The following MECOM variants were observed in gnomAD, a reference collection of about 807,000 sequenced individuals.
MECOM encodes the protein MDS1 and EVI1 complex locus.
A neutral mutation model predicts 116.3 loss-of-function variants in MECOM; 13 were observed. That is an observed-to-expected ratio of 0.11 (90% confidence interval 0.07 to 0.18). The LOEUF (loss-of-function observed/expected upper bound fraction) is 0.18. MECOM is among the 10% of genes least tolerant of loss of function. The pLI is 1.00. For synonymous variants in MECOM, 528 were observed against 535.2 expected (o/e 0.99, Z 0.19); for missense variants, 1,299 against 1,509.0 (o/e 0.86, Z 2.31).
At chr3:169,533,399 G>A (rs1469055300) in intron 1 of MECOM, among the ~76,000 whole-genome samples, 1 of 151,988 alleles carries the variant, frequency 6.6e-6, no homozygotes, top group East Asian at 1.9e-4. Context: ...TGGTCTTTTT[G>A]ATTTTCCTTC....
At chr3:169,288,448 TA>T (rs2149691051) in intron 2 of MECOM, among the ~76,000 whole-genome samples, 1 of 152,330 alleles carries the variant, frequency 6.6e-6, no homozygotes, top group South Asian at 2.1e-4. Context: ...ACTGGAAGGT[TA>T]AAAATGGGCT....
chr3:169,152,024 G>GT (rs11443912), intron 2 of MECOM, among the ~76,000 whole-genome samples: 10,695 of 152,120 alleles, frequency 0.07, 486 homozygotes, highest in South Asian at 0.19. Flanking sequence ...AATAATTTCT[G>GT]TTTTTTAATT....
chr3:169,351,989 G>A (rs893413168), intron 2 of MECOM, among the ~76,000 whole-genome samples: 6 of 151,794 alleles, frequency 4.0e-5, no homozygotes, highest in Admixed American at 1.3e-4. Flanking sequence ...TTTGATTCAC[G>A]GAAAACTGCA....
chr3:169,125,533 A>G (rs1732540289), intron 5 of MECOM, among the ~76,000 whole-genome samples: 1 of 152,154 alleles, frequency 6.6e-6, no homozygotes, highest in Admixed American at 6.5e-5. Flanking sequence ...GTGTAAAAAG[A>G]TAACAAAGCA....
In MECOM at chr3:169,115,499, A is replaced by G. The variant is rs1455833289; in HGVS notation, c.2373T>C (p.Pro791=). 1.2e-6 allele frequency: 2 copies of G among 1,613,962 alleles called. No individual in the cohort carries two copies. The highest frequency in any genetic ancestry group is 3.3e-5 in the Admixed American group (2 of 60,006). Residue 791 remains proline (P), a synonymous_variant, in exon 8 of 17, where the codon CCT becomes CCC. Coordinates refer to ENST00000651503, the MANE Select transcript of MECOM (RefSeq NM_004991.4). The part of the protein sequence containing the change: ...SRASGTKLTE[P]RKNHVFGGKK... ...TTCCCCCAAACACGTGGTTTTTTCG[A>G]GGCTCAGTCAGCTTTGTCCCACTGG... is the stretch of plus-strand genomic sequence containing the variant.
chr3:169,570,202 T>A (rs1048795901), intron 1 of MECOM, among the ~76,000 whole-genome samples: 3 of 152,132 alleles, frequency 2.0e-5, no homozygotes, highest in African/African-American at 7.2e-5. Context: ...CAGAGAATAA[T>A]ATAAACACCT....
At chr3:169,523,583 T>C (rs943233790) in intron 1 of MECOM, among the ~76,000 whole-genome samples, 1 of 152,154 alleles carries the variant, frequency 6.6e-6, no homozygotes, top group Non-Finnish European at 1.5e-5. Flanking sequence ...TCGGGTTAAG[T>C]ACTTAGGCAC....
chr3:169,618,264 T>C (rs1770265216), intron 1 of MECOM, among the ~76,000 whole-genome samples: 1 of 152,232 alleles, frequency 6.6e-6, no homozygotes, highest in Non-Finnish European at 1.5e-5. Context: ...ACACTTCCTT[T>C]CGTTTACTCC....
At chr3:169,599,528 A>G (rs1191382317) in intron 1 of MECOM, among the ~76,000 whole-genome samples, 1 of 151,852 alleles carries the variant, frequency 6.6e-6, no homozygotes, top group African/African-American at 2.4e-5. Context: ...AAAAAAAAAA[A>G]AAGTGTAAAC....
chr3:169,426,404 G>A (rs114810651), intron 1 of MECOM, among the ~76,000 whole-genome samples: 1,844 of 152,196 alleles, frequency 0.012, 42 homozygotes, highest in African/African-American at 0.042. Context: ...ACTTCAAGAC[G>A]GTGGACACTC....
chr3:169,154,149 T>C (rs1429856479), intron 2 of MECOM, among the ~76,000 whole-genome samples: 1 of 152,152 alleles, frequency 6.6e-6, no homozygotes, highest in South Asian at 2.1e-4. Flanking sequence ...CTGTGTTCTC[T>C]GCCAGTCAGT....
At chr3:169,571,815 C>T (rs1426587406) in intron 1 of MECOM, among the ~76,000 whole-genome samples, 1 of 152,194 alleles carries the variant, frequency 6.6e-6, no homozygotes, top group Non-Finnish European at 1.5e-5. Context: ...GGACCCCTTT[C>T]TTACACCTTA....
chr3:169,132,038 A>G, intron 3 of MECOM: 1 of 908,996 alleles, frequency 1.1e-6, no homozygotes, highest in Non-Finnish European at 1.3e-6. Flanking sequence ...GGATCATGAC[A>G]ACAAAGGAGA....
At chr3:169,123,796 C>G (rs1384506419) in intron 5 of MECOM, among the ~76,000 whole-genome samples, 1 of 151,952 alleles carries the variant, frequency 6.6e-6, no homozygotes, top group Non-Finnish European at 1.5e-5. Context: ...GAAGAGATGC[C>G]CACTGACCAA....
At chr3:169,309,531 T>G (rs1382527336) in intron 2 of MECOM, among the ~76,000 whole-genome samples, 1 of 152,186 alleles carries the variant, frequency 6.6e-6, no homozygotes, top group African/African-American at 2.4e-5. Flanking sequence ...GGATGTAACC[T>G]TAAAAGGAAA....
At chr3:169,295,278 T>C (rs1057055910) in intron 2 of MECOM, among the ~76,000 whole-genome samples, 1 of 152,114 alleles carries the variant, frequency 6.6e-6, no homozygotes, top group African/African-American at 2.4e-5. Flanking sequence ...TTAAAAGGGT[T>C]AAAAAAAGTT....
chr3:169,309,051 C>T (rs1054754199), intron 2 of MECOM, among the ~76,000 whole-genome samples: 3 of 152,152 alleles, frequency 2.0e-5, no homozygotes, highest in African/African-American at 7.2e-5. Context: ...CACATTAAAA[C>T]GTCTGGGTTA....
intron 2 of MECOM, among the ~76,000 whole-genome samples, chr3:169,286,721 G>A (rs1237187971): frequency 6.6e-6 from 1 of 152,086 alleles, no homozygotes; most frequent in Non-Finnish European, 1.5e-5. Context: ...GAGTCAGGGT[G>A]TACAATTAAA....
intron 2 of MECOM, among the ~76,000 whole-genome samples, chr3:169,311,500 G>A (rs1718756671): frequency 6.6e-6 from 1 of 152,106 alleles, no homozygotes; most frequent in African/African-American, 2.4e-5. Flanking sequence ...CATATCAATT[G>A]CTTTATAGTG....
Sources: gnomAD v4.1 joint callset for allele counts (sites outside exome capture counted in the v4.1 genomes callset) on GRCh38, gnomAD v4.1.1 for gene constraint, MANE v1.5 for transcripts, NCBI Gene and HGNC (gene_info 2026-07-23, HGNC 2026-07-21) for gene names.